PDE1C: variants seen among roughly 807,000 people sequenced by gnomAD.
The protein encoded by PDE1C is phosphodiesterase 1C.
PDE1C carries 62 observed loss-of-function variants against 93.1 expected under a neutral mutation model. That is an observed-to-expected ratio of 0.67 (90% CI 0.54 to 0.82). The LOEUF is 0.82. PDE1C is among the 40% of genes least tolerant of loss of function. PDE1C has a pLI of 0.00. For missense variants in PDE1C, 742 were observed against 884.6 expected, an observed-to-expected ratio of 0.84 and a Z score of 2.04; for synonymous variants, 325 against 310.1, an observed-to-expected ratio of 1.05 and a Z score of -0.50.
chr7:31,624,760 A>G, the PDE1C span, among the ~76,000 whole-genome samples: 2 of 151,990 alleles, frequency 1.3e-5, no homozygotes, highest in African/African-American at 4.8e-5. Context: ...ACAAAAGCCA[A>G]AAGTGACAAA....
At chr7:32,033,781 C>T (rs1187801933) in intron 2 of PDE1C, among the ~76,000 whole-genome samples, 1 of 152,082 alleles carries the variant, frequency 6.6e-6, no homozygotes, top group Non-Finnish European at 1.5e-5. Context: ...TGAGTTATCT[C>T]CAGAAAACAA....
At chr7:32,199,888 A>G (rs975882289) in intron 2 of PDE1C, among the ~76,000 whole-genome samples, 2 of 152,230 alleles carry the variant, frequency 1.3e-5, no homozygotes, top group East Asian at 3.8e-4. Context: ...GTTGCAGTTC[A>G]ATGATGATTT....
chr7:31,716,841 C>A, the PDE1C span, among the ~76,000 whole-genome samples: 5 of 152,168 alleles, frequency 3.3e-5, no homozygotes, highest in African/African-American at 1.2e-4. Context: ...GACATGGCCA[C>A]CTGTGGGCAT....
intron 3 of PDE1C, among the ~76,000 whole-genome samples, chr7:32,124,463 G>A (rs1799461316): frequency 6.6e-6 from 1 of 152,090 alleles, no homozygotes; most frequent in South Asian, 2.1e-4. Context: ...ATACTACAAG[G>A]CTACAGTAAC....
intron 1 of PDE1C, among the ~76,000 whole-genome samples, chr7:32,365,407 A>G (rs1206682833): frequency 6.6e-6 from 1 of 152,168 alleles, no homozygotes; most frequent in East Asian, 1.9e-4. Flanking sequence ...GACTGTCCCC[A>G]GCAGACATAC....
chr7:32,362,291 G>A (rs963157089), intron 1 of PDE1C, among the ~76,000 whole-genome samples: 1 of 152,054 alleles, frequency 6.6e-6, no homozygotes, highest in South Asian at 2.1e-4. Flanking sequence ...CATGGGGGGA[G>A]AATCTGGCTA....
chr7:31,861,408 G>A (rs1434106111), intron 7 of PDE1C, among the ~76,000 whole-genome samples: 1 of 151,900 alleles, frequency 6.6e-6, no homozygotes, highest in Non-Finnish European at 1.5e-5. Context: ...ATATGTCCAA[G>A]ACTACCTAAT....
At chr7:32,082,247 G>C (rs1796721240) in intron 3 of PDE1C, among the ~76,000 whole-genome samples, 1 of 152,248 alleles carries the variant, frequency 6.6e-6, no homozygotes, top group Admixed American at 6.5e-5. Flanking sequence ...CGCCCACGGA[G>C]TCTCGCTGAT....
At chr7:32,004,473 T>G (rs1431784753) in intron 2 of PDE1C, among the ~76,000 whole-genome samples, 1 of 152,142 alleles carries the variant, frequency 6.6e-6, no homozygotes, top group African/African-American at 2.4e-5. Context: ...CAGGAACTGT[T>G]AAGGGATAAG....
intron 2 of PDE1C, among the ~76,000 whole-genome samples, chr7:31,926,310 A>G (rs1194572999): frequency 1.3e-5 from 2 of 152,242 alleles, no homozygotes; most frequent in East Asian, 3.8e-4. Flanking sequence ...TACATAGTGT[A>G]CTGTCATGAG....
chr7:31,687,041 G>A, the PDE1C span: 6 of 152,314 alleles, frequency 3.9e-5, no homozygotes, highest in Admixed American at 1.3e-4. Flanking sequence ...CTCAAAGCAC[G>A]ACTCTATACT....
At chr7:32,055,680 A>T (rs937284053) in intron 1 of PDE1C, among the ~76,000 whole-genome samples, 3 of 152,230 alleles carry the variant, frequency 2.0e-5, no homozygotes, top group Non-Finnish European at 4.4e-5. Context: ...ACTTCAACAG[A>T]ATCCCTGACT....
chr7:31,866,201 C>T (rs1795276727), intron 6 of PDE1C, among the ~76,000 whole-genome samples: 1 of 151,924 alleles, frequency 6.6e-6, no homozygotes, highest in African/African-American at 2.4e-5. Flanking sequence ...TTAACAATTA[C>T]ATTTGTGAAA....
chr7:31,957,492 G>C (rs1163699648), intron 2 of PDE1C, among the ~76,000 whole-genome samples: 1 of 152,166 alleles, frequency 6.6e-6, no homozygotes, highest in Non-Finnish European at 1.5e-5. Flanking sequence ...GGTTCTTACA[G>C]TCAAAATACA....
intron 1 of PDE1C, among the ~76,000 whole-genome samples, chr7:32,345,950 A>T (rs1285664645): frequency 6.6e-6 from 1 of 152,226 alleles, no homozygotes; most frequent in Non-Finnish European, 1.5e-5. Context: ...TAACAAGTTA[A>T]ATACAAACCC....
At chr7:31,847,004 A>C (rs1792718505) in intron 9 of PDE1C, among the ~76,000 whole-genome samples, 1 of 152,154 alleles carries the variant, frequency 6.6e-6, no homozygotes, top group Non-Finnish European at 1.5e-5. Flanking sequence ...AATACCCAAT[A>C]AACAGCTGAT....
chr7:31,949,206 C>T (rs1262658897), intron 2 of PDE1C, among the ~76,000 whole-genome samples: 1 of 152,134 alleles, frequency 6.6e-6, no homozygotes, highest in Non-Finnish European at 1.5e-5. Flanking sequence ...TGCCTGTAAT[C>T]CCAACACTTT....
At chr7:31,731,750 G>A in the PDE1C span, among the ~76,000 whole-genome samples, 12 of 149,482 alleles carry the variant, frequency 8.0e-5, no homozygotes, top group African/African-American at 2.2e-4. Context: ...ACTAGCACCC[G>A]GGTCTGGTGC....
chr7:31,744,395 T>G, the PDE1C span, among the ~76,000 whole-genome samples: 1 of 152,142 alleles, frequency 6.6e-6, no homozygotes, highest in Non-Finnish European at 1.5e-5. Flanking sequence ...GCTTGCACTT[T>G]TGAAATCTAA....
Sources: gnomAD v4.1 joint callset for allele counts (sites outside exome capture counted in the v4.1 genomes callset) on GRCh38, gnomAD v4.1.1 for gene constraint, MANE v1.5 for transcripts, NCBI Gene and HGNC (gene_info 2026-07-23, HGNC 2026-07-21) for gene names.